Variants in ANKDD1A observed in about 807,000 individuals in gnomAD.
ANKDD1A encodes the protein ankyrin repeat and death domain-containing protein 1A.
ANKDD1A carries 59 observed loss-of-function variants against 63.5 expected under a neutral mutation model. The ratio of observed to expected loss-of-function variants is 0.93; its 90% CI spans 0.75 to 1.15. The LOEUF is 1.15. Among genes scored for constraint, ANKDD1A ranks in the 50% most tolerant of loss-of-function variants. The probability of loss-of-function intolerance (pLI) is 0.00; values close to 1 mark genes in which losing one functional copy is unlikely to be tolerated. For missense variants in ANKDD1A, 632 were observed against 656.4 expected, an observed-to-expected ratio of 0.96 and a Z score of 0.41; for synonymous variants, 266 against 263.9, an observed-to-expected ratio of 1.01 and a Z score of -0.08.
chr15:64,954,655 CTTCT>C (rs770796344), intron 14 of ANKDD1A, among the ~76,000 whole-genome samples: 9 of 133,688 alleles, frequency 6.7e-5, no homozygotes, highest in African/African-American at 1.6e-4. Flanking sequence ...TCTTCTTCTC[CTTCT>C]TTCTTCTTGT....
At position 64,942,514 on chromosome 15, in the gene ANKDD1A, C is replaced by A. The variant is rs377389557; in HGVS notation, c.915C>A (p.Ala305=). 1 of 1,613,854 alleles carries A rather than the reference C, an allele frequency of 6.2e-7. No homozygotes were observed. The highest frequency in any genetic ancestry group is 1.3e-5 in the African/African-American group (1 of 74,898). The stretch of plus-strand genomic sequence containing the variant: ...TCGCTGTGAGGCACAACTTCCCTGC[C>A]TTGGTCCGGCTCCTCATCAACTCCG... ...LHLAVRHNFP[A]LVRLLINSDS... The change falls in exon 10 of 15, where the codon GCC becomes GCA. Residue 305 remains alanine, a synonymous_variant. Transcript: ENST00000319580.
rs2085048515 is a variant in ANKDD1A, at chr15:64,926,808, C to T, written c.472-93C>T. ...GGGGCAGGAGAGGCCACTACAAAGC[C>T]AGAGTGGTTGGGGAACAGAGGCCAG... On this transcript the variant is annotated intron_variant, in intron 5 of 14. Transcript: ENST00000319580. The T allele has an allele frequency of 3.0e-6, 4 of 1,347,732 alleles. No individual in the cohort carries two copies. In the East Asian group the frequency reaches 9.2e-5, roughly 31 times the overall value. 83.5% of individuals were successfully genotyped at this position (1,347,732 alleles called of 1,614,324 possible).
intron 3 of ANKDD1A, among the ~76,000 whole-genome samples, chr15:64,918,198 A>G (rs2084984182): frequency 6.6e-6 from 1 of 152,242 alleles, no homozygotes; most frequent in African/African-American, 2.4e-5. Context: ...CTCCGTCTCT[A>G]CCAAAAAATA....
chr15:64,914,992 G>A (rs559421257), intron 1 of ANKDD1A, among the ~76,000 whole-genome samples: 1 of 152,130 alleles, frequency 6.6e-6, no homozygotes, highest in African/African-American at 2.4e-5. Context: ...GGTGGAAGCT[G>A]GTTAGGATTT....
intron 4 of ANKDD1A, among the ~76,000 whole-genome samples, chr15:64,925,538 G>T (rs568134743): frequency 1.8e-4 from 27 of 152,202 alleles, no homozygotes; most frequent in African/African-American, 6.5e-4. Context: ...GCCCTAGAAG[G>T]TGAGGAGGTC....
intron 14 of ANKDD1A, among the ~76,000 whole-genome samples, chr15:64,956,677 T>C (rs957647654): frequency 2.6e-5 from 4 of 152,174 alleles, no homozygotes; most frequent in Non-Finnish European, 5.9e-5. Context: ...TGCCTCAGTC[T>C]CCGGAGTAGC....
In ANKDD1A at chr15:64,926,203, A is replaced by G. The variant is rs114736780; in HGVS notation, c.471+33A>G. On this transcript the variant is annotated intron_variant, in intron 5 of 14. Coordinates refer to ENST00000319580, the MANE Select transcript of ANKDD1A (RefSeq NM_182703.6). ...TGCCTCAGGGCTACTCATCATTCCC[A>G]TTGGGCGGGGGGCTCCTGGGGCCAC... 2.7e-4 allele frequency: 431 copies of G among 1,602,462 alleles called. No individual in the cohort carries two copies. In the African/African-American group the frequency reaches 5.4e-3, roughly 20 times the overall value.
chr15:64,953,374 TTTTCC>T (rs1331894637), intron 14 of ANKDD1A, among the ~76,000 whole-genome samples: 1 of 85,428 alleles, frequency 1.2e-5, no homozygotes, highest in African/African-American at 3.8e-5. Context: ...CTTCTCCTTC[TTTTCC>T]TTTCTTCTTC....
At chr15:64,950,568 G>A (rs2085261507) in intron 14 of ANKDD1A, 1 of 985,292 alleles carries the variant, frequency 1.0e-6, no homozygotes, top group Non-Finnish European at 1.2e-6. Flanking sequence ...CACTGACGTG[G>A]TACATAATGG....
intron 13 of ANKDD1A, 55 bp from the exon 14 acceptor site, chr15:64,949,786 C>T: frequency 1.3e-6 from 2 of 1,587,716 alleles, no homozygotes; most frequent in South Asian, 2.2e-5. Flanking sequence ...GCGCTCTGGT[C>T]AAGTGGCCCC....
intron 10 of ANKDD1A, among the ~76,000 whole-genome samples, chr15:64,942,791 C>G (rs2085195142): frequency 6.6e-6 from 1 of 151,770 alleles, no homozygotes; most frequent in African/African-American, 2.4e-5. Flanking sequence ...TGGCCACGGT[C>G]TATAACATTA....
At chr15:64,934,277 C>G in intron 9 of ANKDD1A, 43 bp downstream of exon 9, 1 of 1,563,880 alleles carries the variant, frequency 6.4e-7, no homozygotes, top group Non-Finnish European at 8.8e-7. Flanking sequence ...CATTGCAAAG[C>G]CTTCCATGAG....
At chr15:64,949,096 G>C (rs1278275161) in intron 13 of ANKDD1A, among the ~76,000 whole-genome samples, 4 of 152,260 alleles carry the variant, frequency 2.6e-5, no homozygotes, top group African/African-American at 9.6e-5. Flanking sequence ...CGGAAGGTCA[G>C]AGGGGCGAAT....
At chr15:64,917,989 A>C (rs187283943) in intron 3 of ANKDD1A, among the ~76,000 whole-genome samples, 31 of 152,372 alleles carry the variant, frequency 2.0e-4, no homozygotes, top group Admixed American at 1.9e-3. Flanking sequence ...CTGTAAAATT[A>C]TCTCTACAGG....
chr15:64,925,895 C>A (rs112986279), intron 4 of ANKDD1A, among the ~76,000 whole-genome samples, 171 bp from the exon 5 acceptor site: 1 of 152,200 alleles, frequency 6.6e-6, no homozygotes, highest in African/African-American at 2.4e-5. Context: ...CCCCCTAAGG[C>A]TAAGTGGGCA....
chr15:64,925,964 G>C, intron 4 of ANKDD1A, 102 bp from the exon 5 acceptor site: 1 of 987,010 alleles, frequency 1.0e-6, no homozygotes, highest in Non-Finnish European at 1.5e-6. Context: ...CCATGGGGAG[G>C]CTGTGTTCTG....
intron 14 of ANKDD1A, among the ~76,000 whole-genome samples, chr15:64,954,181 C>T (rs1158473383): frequency 1.6e-4 from 9 of 56,982 alleles, no homozygotes; most frequent in African/African-American, 2.9e-4. Context: ...TTTTCTTCTT[C>T]TTCTCCTTCT....
intron 3 of ANKDD1A, among the ~76,000 whole-genome samples, chr15:64,921,448 C>T (rs2085005993): frequency 6.6e-6 from 1 of 152,216 alleles, no homozygotes; most frequent in African/African-American, 2.4e-5. Flanking sequence ...GATTTCACCT[C>T]ACTGCAACCT....
At chr15:64,952,984 CCTT>C (rs144993538) in intron 14 of ANKDD1A, among the ~76,000 whole-genome samples, 610 of 19,270 alleles carry the variant, frequency 0.032, 4 homozygotes, top group African/African-American at 0.063. Flanking sequence ...TCTTGTCTCT[CCTT>C]CTTCTCCTTC....
Sources: allele counts gnomAD v4.1 joint callset (sites outside exome capture counted in the v4.1 genomes callset), GRCh38; gene constraint gnomAD v4.1.1; transcripts MANE v1.5; gene names NCBI Gene and HGNC (gene_info 2026-07-23, HGNC 2026-07-21).